Variants in LRMDA observed in about 807,000 individuals in gnomAD.
LRMDA encodes the protein leucine rich melanocyte differentiation associated.
LRMDA carries 18 observed loss-of-function variants against 29.8 expected under a neutral mutation model. That is an observed-to-expected ratio of 0.60 (90% confidence interval 0.42 to 0.90). The LOEUF is 0.90. LRMDA is among the 40% of genes least tolerant of loss of function. The pLI is 0.00. For missense variants in LRMDA, 273 were observed against 273.9 expected, an observed-to-expected ratio of 1.00 and a Z score of 0.02; for synonymous variants, 125 against 109.4, an observed-to-expected ratio of 1.14 and a Z score of -0.89.
intron 6 of LRMDA, chr10:76,535,922 C>T (rs2132378590): frequency 6.6e-6 from 1 of 152,308 alleles, no homozygotes; most frequent in African/African-American, 2.4e-5. Context: ...GAAATACAGG[C>T]ATGTGCCACC....
chr10:75,505,377 G>A (rs1052790853), intron 2 of LRMDA, among the ~76,000 whole-genome samples: 1 of 152,126 alleles, frequency 6.6e-6, no homozygotes, highest in South Asian at 2.1e-4. Context: ...CCCAGAAGTT[G>A]CTTACATCCC....
intron 2 of LRMDA, among the ~76,000 whole-genome samples, chr10:75,853,185 A>G (rs527497390): frequency 5.3e-5 from 8 of 152,284 alleles, no homozygotes. Context: ...CAGCCAAACC[A>G]TATCAGAAGT....
intron 5 of LRMDA, among the ~76,000 whole-genome samples, chr10:76,155,782 G>T (rs150388292): frequency 1.3e-5 from 2 of 152,100 alleles, no homozygotes; most frequent in African/African-American, 4.8e-5. Flanking sequence ...TGCATATGAC[G>T]CAGTCTATCC....
intron 2 of LRMDA, among the ~76,000 whole-genome samples, chr10:75,794,648 G>A (rs1843622235): frequency 1.3e-5 from 2 of 152,106 alleles, no homozygotes; most frequent in Non-Finnish European, 2.9e-5. Flanking sequence ...GGTATGAAAT[G>A]GTATCTCACT....
chr10:75,906,124 T>C (rs1457220465), intron 2 of LRMDA, among the ~76,000 whole-genome samples: 2 of 151,822 alleles, frequency 1.3e-5, no homozygotes, highest in African/African-American at 4.8e-5. Context: ...ATCTTTCAAA[T>C]GGTGATCATA....
At chr10:75,570,730 G>C (rs1221659343) in intron 2 of LRMDA, among the ~76,000 whole-genome samples, 1 of 152,158 alleles carries the variant, frequency 6.6e-6, no homozygotes, top group Non-Finnish European at 1.5e-5. Flanking sequence ...CATGGTAACA[G>C]ATATTTAAAA....
rs115010418 is a variant in LRMDA at position 75,796,341 on chromosome 10, A to C, written c.132-239667A>C. Reference sequence around the variant, plus strand: ...TAGAAGTTCTTACATGCCTTTTATCAACTTGAGGAAGTTCCCTTATATTCC... The same window carrying C: ...TAGAAGTTCTTACATGCCTTTTATCCACTTGAGGAAGTTCCCTTATATTCC... On this transcript the variant is annotated intron_variant, in intron 2 of 6. Transcript: ENST00000611255. Among the ~76,000 whole-genome samples the C allele has an allele frequency of 9.5e-3, 1,449 of 152,250 alleles. 22 individuals are homozygous for C. The highest frequency in any genetic ancestry group is 0.033 in the African/African-American group (1,374 of 41,540).
chr10:76,329,885 T>C (rs1376037247), intron 6 of LRMDA, among the ~76,000 whole-genome samples: 4 of 152,208 alleles, frequency 2.6e-5, no homozygotes, highest in African/African-American at 4.8e-5. Flanking sequence ...TGAGATATCA[T>C]AAAATACGTT....
intron 2 of LRMDA, among the ~76,000 whole-genome samples, chr10:75,734,116 TGA>T (rs1246767128): frequency 6.6e-6 from 1 of 152,216 alleles, no homozygotes; most frequent in Admixed American, 6.5e-5. Flanking sequence ...TGTTGCCATC[TGA>T]CTGCTCAGGG....
intron 5 of LRMDA, among the ~76,000 whole-genome samples, chr10:76,181,690 A>G (rs1473966131): frequency 6.6e-6 from 1 of 152,262 alleles, no homozygotes; most frequent in Non-Finnish European, 1.5e-5. Context: ...AAAATGGTCA[A>G]TAAATCAGAA....
intron 6 of LRMDA, among the ~76,000 whole-genome samples, chr10:76,529,107 C>T (rs946327215): frequency 2.0e-5 from 3 of 152,118 alleles, no homozygotes; most frequent in East Asian, 3.9e-4. Context: ...AATACAGTGC[C>T]GTATGCAACC....
intron 5 of LRMDA, among the ~76,000 whole-genome samples, chr10:76,139,463 T>TACTTACATACTTACTTACTTAC (rs1850159326): frequency 2.0e-5 from 3 of 152,188 alleles, no homozygotes; most frequent in Non-Finnish European, 4.4e-5. Context: ...TTACTCTGGT[T>TACTTACATACTTACTTACTTAC]TCAAATATTA....
At chr10:75,600,571 C>T (rs899857668) in intron 2 of LRMDA, among the ~76,000 whole-genome samples, 5 of 152,138 alleles carry the variant, frequency 3.3e-5, no homozygotes, top group African/African-American at 7.2e-5. Context: ...AGAAAGAGGT[C>T]ATGAGCAGGT....
chr10:76,459,733 T>C (rs1003208754), intron 6 of LRMDA, among the ~76,000 whole-genome samples: 44 of 152,198 alleles, frequency 2.9e-4, no homozygotes, highest in African/African-American at 8.9e-4. Context: ...ATTTTCCTCC[T>C]TTTGGCTAGC....
intron 5 of LRMDA, among the ~76,000 whole-genome samples, chr10:76,313,492 T>C (rs1840655282): frequency 6.6e-6 from 1 of 152,160 alleles, no homozygotes; most frequent in South Asian, 2.1e-4. Context: ...AGTTAAACAA[T>C]ATACAAATTG....
intron 2 of LRMDA, among the ~76,000 whole-genome samples, chr10:75,507,110 CTTTTTT>C (rs147220513): frequency 1.2e-4 from 17 of 144,340 alleles, no homozygotes; most frequent in African/African-American, 3.8e-4. Flanking sequence ...GTTCTGGCAT[CTTTTTT>C]TTTTTTTTCC....
At chr10:75,547,867 C>T (rs1047306350) in intron 2 of LRMDA, among the ~76,000 whole-genome samples, 41 of 152,242 alleles carry the variant, frequency 2.7e-4, no homozygotes, top group Middle Eastern at 6.8e-3. Flanking sequence ...CGAGTGGGTC[C>T]TCCTTTGGAC....
intron 2 of LRMDA, among the ~76,000 whole-genome samples, chr10:75,539,148 T>C (rs1322359027): frequency 6.6e-6 from 1 of 152,240 alleles, no homozygotes; most frequent in Non-Finnish European, 1.5e-5. Context: ...GCTTTCCCTT[T>C]CCTAAAAGCT....
chr10:75,546,407 T>C (rs1039678258), intron 2 of LRMDA, among the ~76,000 whole-genome samples: 3 of 152,216 alleles, frequency 2.0e-5, no homozygotes, highest in Non-Finnish European at 4.4e-5. Flanking sequence ...TATGAAACAC[T>C]GTGTACACTA....
Sources: allele counts gnomAD v4.1 joint callset (sites outside exome capture counted in the v4.1 genomes callset), GRCh38; gene constraint gnomAD v4.1.1; transcripts MANE v1.5; gene names NCBI Gene and HGNC (gene_info 2026-07-23, HGNC 2026-07-21).